Variants in TECRL observed in about 807,000 individuals in gnomAD.
The protein encoded by TECRL is trans-2,3-enoyl-CoA reductase like.
Under a neutral mutation model 52.8 loss-of-function variants are expected in TECRL, and 63 were observed. The observed-to-expected ratio is 1.19, with a 90% CI of 0.97 to 1.47. TECRL has a LOEUF of 1.47. Among genes scored for constraint, TECRL ranks in the 40% most tolerant of loss-of-function variants. The pLI is 0.00. For missense variants in TECRL, 482 were observed against 429.6 expected, an observed-to-expected ratio of 1.12 and a Z score of -1.08; for synonymous variants, 164 against 141.9, an observed-to-expected ratio of 1.16 and a Z score of -1.10.
intron 2 of TECRL, among the ~76,000 whole-genome samples, chr4:64,374,038 G>GTATATAGTAGATATATATATATA (rs1722176001): frequency 1.1e-5 from 1 of 94,338 alleles, no homozygotes. Flanking sequence ...ATATATATAT[G>GTATATAGTAGATATATATATATA]TATATAGTAG....
At chr4:64,354,530 T>C (rs1368658187) in intron 2 of TECRL, among the ~76,000 whole-genome samples, 1 of 152,086 alleles carries the variant, frequency 6.6e-6, no homozygotes, top group African/African-American at 2.4e-5. Context: ...TTAAAGATAT[T>C]GGTGAAAGCT....
At chr4:64,283,641 G>A (rs4860589) in intron 9 of TECRL, among the ~76,000 whole-genome samples, 147,157 of 152,134 alleles carry the variant, frequency 0.97, 71,193 homozygotes, top group East Asian at 1. Flanking sequence ...CACCTAGATA[G>A]TATGCAAAGA....
chr4:64,367,825 A>G (rs1029847018), intron 2 of TECRL, among the ~76,000 whole-genome samples: 2 of 152,154 alleles, frequency 1.3e-5, no homozygotes, highest in Non-Finnish European at 2.9e-5. Flanking sequence ...ATTCACAAAA[A>G]TGCTTTCACT....
At chr4:64,310,465 T>C (rs1169011184) in intron 5 of TECRL, among the ~76,000 whole-genome samples, 1 of 152,188 alleles carries the variant, frequency 6.6e-6, no homozygotes, top group Non-Finnish European at 1.5e-5. Flanking sequence ...TTTTTTCCTA[T>C]CTAATTTTGT....
intron 2 of TECRL, among the ~76,000 whole-genome samples, chr4:64,363,366 A>G (rs1649285035): frequency 6.6e-6 from 1 of 152,174 alleles, no homozygotes; most frequent in Non-Finnish European, 1.5e-5. Context: ...GGTGCCATAA[A>G]GAAATGGCAC....
At chr4:64,294,451 G>T (rs769958718) in intron 8 of TECRL, among the ~76,000 whole-genome samples, 6 of 151,960 alleles carry the variant, frequency 3.9e-5, no homozygotes, top group Non-Finnish European at 8.8e-5. Flanking sequence ...GTTATGATGC[G>T]TCTTTGGCAA....
At chr4:64,328,728 G>A (rs540498831) in intron 2 of TECRL, among the ~76,000 whole-genome samples, 172 bp from the exon 3 acceptor site, 14 of 151,836 alleles carry the variant, frequency 9.2e-5, no homozygotes, top group Non-Finnish European at 1.6e-4. Context: ...CAGCAATGAC[G>A]GATAGTGACT....
intron 8 of TECRL, among the ~76,000 whole-genome samples, chr4:64,296,105 A>G (rs1310848844): frequency 6.6e-6 from 1 of 151,978 alleles, no homozygotes. Flanking sequence ...AAAATTTGTC[A>G]TAACCAAATC....
At chr4:64,360,324 G>A (rs192423314) in intron 2 of TECRL, among the ~76,000 whole-genome samples, 1 of 152,122 alleles carries the variant, frequency 6.6e-6, no homozygotes, top group Non-Finnish European at 1.5e-5. Context: ...TTTTAAAGTT[G>A]AGTAATAATT....
rs1174609593 is a variant in TECRL at position 64,394,179 on chromosome 4, C to T, written c.234+14939G>A. 2.6e-5 allele frequency among the ~76,000 whole-genome samples: 4 copies of T among 152,078 alleles called. No homozygotes were observed. The East Asian group carries it at 7.7e-4, about 29-fold the overall frequency. On this transcript the variant is annotated intron_variant, in intron 1 of 11. Coordinates refer to ENST00000381210, the MANE Select transcript of TECRL (RefSeq NM_001010874.5). ...GTGAATTATAACGTCACTTTCATTA[C>T]CAACATGACCTGCTATGTATAGTGA...
rs1343885987 is a variant in TECRL at position 64,374,079 on chromosome 4, A to ATATATATT, written c.286+1092_286+1093insAATATATA. On this transcript the variant is annotated intron_variant, in intron 2 of 11. Coordinates refer to ENST00000381210, the MANE Select transcript of TECRL (RefSeq NM_001010874.5). The stretch of plus-strand genomic sequence containing the variant: ...TATATATATATATATATATATATAT[A>ATATATATT]TATTTATCTTTTTGGTTTTGTTCTT... Among the ~76,000 whole-genome samples the ATATATATT allele has an allele frequency of 1.5e-3, 142 of 96,674 alleles. 1 individual carries two copies. Among genetic ancestry groups the ATATATATT allele is most frequent in the East Asian group, 6.6e-3 (22 of 3,352 alleles). 63.4% of individuals were successfully genotyped at this position (96,674 alleles called of 152,430 possible).
At chr4:64,361,427 C>G (rs1370323761) in intron 2 of TECRL, among the ~76,000 whole-genome samples, 1 of 152,134 alleles carries the variant, frequency 6.6e-6, no homozygotes, top group African/African-American at 2.4e-5. Flanking sequence ...GGGCCCACTT[C>G]TACTCTACTG....
chr4:64,353,836 A>G (rs1363911949), intron 2 of TECRL, among the ~76,000 whole-genome samples: 18 of 152,174 alleles, frequency 1.2e-4, no homozygotes, highest in Admixed American at 5.2e-4. Flanking sequence ...AGATTGTTGA[A>G]GATGGAATCT....
intron 1 of TECRL, among the ~76,000 whole-genome samples, chr4:64,384,162 T>A (rs1723013316): frequency 6.6e-6 from 1 of 152,088 alleles, no homozygotes; most frequent in South Asian, 2.1e-4. Flanking sequence ...AGGTGGTGTA[T>A]GCAGGCACCC....
chr4:64,303,363 G>A (rs1724131678), intron 7 of TECRL, among the ~76,000 whole-genome samples: 1 of 151,556 alleles, frequency 6.6e-6, no homozygotes, highest in African/African-American at 2.4e-5. Context: ...AGAAATAGGA[G>A]TCTCTACTAC....
At chr4:64,323,220 C>T (rs1055924082) in intron 3 of TECRL, among the ~76,000 whole-genome samples, 9 of 151,522 alleles carry the variant, frequency 5.9e-5, no homozygotes, top group Non-Finnish European at 5.9e-5. Flanking sequence ...ATGACAAAAC[C>T]CTGTCTCTAC....
chr4:64,347,730 G>C (rs1255557143), intron 2 of TECRL, among the ~76,000 whole-genome samples: 1 of 152,108 alleles, frequency 6.6e-6, no homozygotes, highest in Admixed American at 6.6e-5. Context: ...CCATGATCCA[G>C]TAACCTCCTC....
intron 1 of TECRL, among the ~76,000 whole-genome samples, chr4:64,375,760 T>A (rs1330421255): frequency 6.6e-6 from 1 of 151,864 alleles, no homozygotes; most frequent in South Asian, 2.1e-4. Context: ...ATTTTTTGGA[T>A]TCCTTAAGTA....
Position 64,281,116 on chromosome 4 carries a change from A to G in TECRL, c.919-30T>C, listed in dbSNP as rs111625425. Reference sequence around the variant, plus strand: ...TATATTAAAACTTAAATTAGCACATACATAAATGGAATCTAGTAATTTGTT... The same window carrying G: ...TATATTAAAACTTAAATTAGCACATGCATAAATGGAATCTAGTAATTTGTT... On this transcript the variant is annotated intron_variant, in intron 10 of 11. Coordinates refer to ENST00000381210, the MANE Select transcript of TECRL (RefSeq NM_001010874.5). The G allele has an allele frequency of 5.7e-4, 883 of 1,553,982 alleles. 11 individuals are homozygous for G. The African/African-American group carries it at 9.7e-3, about 17-fold the overall frequency.
Sources: gnomAD v4.1 joint callset for allele counts (sites outside exome capture counted in the v4.1 genomes callset) on GRCh38, gnomAD v4.1.1 for gene constraint, MANE v1.5 for transcripts, NCBI Gene and HGNC (gene_info 2026-07-23, HGNC 2026-07-21) for gene names.